LCTL: variants seen among roughly 807,000 people sequenced by gnomAD.
The protein encoded by LCTL is lactase like.
LCTL carries 76 observed loss-of-function variants against 75.8 expected under a neutral mutation model. The ratio of observed to expected loss-of-function variants is 1.00; its 90% CI spans 0.83 to 1.21. The LOEUF (loss-of-function observed/expected upper bound fraction) is 1.21. Ranked by LOEUF, LCTL falls within the 50% of genes most tolerant of loss-of-function variation. The pLI is 0.00. For synonymous variants in LCTL, 271 were observed against 268.8 expected (o/e 1.01, Z -0.08); for missense variants, 670 against 712.4 (o/e 0.94, Z 0.68).
intron 12 of LCTL, 132 bp downstream of exon 13, chr15:66,549,908 GA>G (rs1895533953): frequency 1.9e-6 from 1 of 523,188 alleles, no homozygotes; most frequent in Admixed American, 3.9e-5. Flanking sequence ...TTGCTTCAAA[GA>G]AACCTGATTT....
intron 4 of LCTL, among the ~76,000 whole-genome samples, chr15:66,562,044 T>G (rs2140851247): frequency 6.6e-6 from 1 of 152,056 alleles, no homozygotes; most frequent in Admixed American, 6.6e-5. Context: ...GAACACCCTT[T>G]CCTCCCACCT....
chr15:66,557,744 G>A, exon 8 of LCTL: 1 of 1,614,026 alleles, frequency 6.2e-7, no homozygotes, highest in Non-Finnish European at 8.5e-7. Flanking sequence ...TCATGACTTG[G>A]GGGTAGTCAC....
intron 4 of LCTL, among the ~76,000 whole-genome samples, chr15:66,562,744 T>G (rs939753150): frequency 2.6e-5 from 4 of 152,018 alleles, no homozygotes; most frequent in African/African-American, 9.7e-5. Context: ...CCACCACGTC[T>G]GGCTAAGTTT....
At chr15:66,557,937 C>T (rs138005784) in intron 7 of LCTL, 45 bp downstream of exon 8, 49 of 1,608,402 alleles carry the variant, frequency 3.0e-5, no homozygotes, top group South Asian at 5.5e-5. Flanking sequence ...ATTGCTGCTC[C>T]GGGCACTTGG....
At chr15:66,551,087 G>A (rs1331753068) in intron 11 of LCTL, among the ~76,000 whole-genome samples, 1 of 151,890 alleles carries the variant, frequency 6.6e-6, no homozygotes, top group Non-Finnish European at 1.5e-5. Context: ...GGTGGCTCAC[G>A]CCTGTAATCC....
chr15:66,556,152 T>A (rs1278237577), intron 8 of LCTL, among the ~76,000 whole-genome samples: 3 of 152,234 alleles, frequency 2.0e-5, no homozygotes, highest in African/African-American at 7.2e-5. Flanking sequence ...ATTCTACTTC[T>A]GGGTATATTC....
Position 66,565,235 on chromosome 15 carries a change from G to A in LCTL, c.118+13C>T, listed in dbSNP as rs748090299. On this transcript the variant is annotated intron_variant, in intron 1 of 12. Coordinates refer to ENST00000341509, the Ensembl canonical transcript of LCTL. ...ACAGACAGGCAGACAGACGAACAGA[G>A]GCGTGGCCGTACCAAGAGGGAAGGT... is the stretch of plus-strand genomic sequence containing the variant. The A allele has an allele frequency of 1.4e-5, 21 of 1,537,792 alleles. No homozygotes were observed. The highest frequency in any genetic ancestry group is 8.4e-5 in the Admixed American group (5 of 59,630).
At position 66,557,901 on chromosome 15, in the gene LCTL, A is replaced by G. The variant is rs765649567; in HGVS notation, c.761-18T>C. ...CACCAGACCTTAAAAGAAAAGAAAG[A>G]AAAGGGAGTGGGGAGTGGGCATGCC... On this transcript the variant is annotated intron_variant, in intron 7 of 12. Transcript: ENST00000341509. 2 of 1,612,990 alleles carry G rather than the reference A, an allele frequency of 1.2e-6. No individual in the cohort carries two copies. Among genetic ancestry groups the G allele is most frequent in the Admixed American group, 3.3e-5 (2 of 59,968 alleles).
intron 4 of LCTL, among the ~76,000 whole-genome samples, 170 bp downstream of exon 5, chr15:66,563,346 G>C (rs1268894662): frequency 1.3e-5 from 2 of 152,204 alleles, no homozygotes; most frequent in African/African-American, 2.4e-5. Flanking sequence ...AGCAAAAGTG[G>C]ATTAAGACAG....
intron 11 of LCTL, among the ~76,000 whole-genome samples, chr15:66,551,091 GT>G (rs1217338840): frequency 6.6e-6 from 1 of 151,984 alleles, no homozygotes; most frequent in Non-Finnish European, 1.5e-5. Context: ...GCTCACGCCT[GT>G]AATCCCAGCA....
chr15:66,550,545 A>G (rs1046422861), intron 11 of LCTL, among the ~76,000 whole-genome samples: 3 of 152,064 alleles, frequency 2.0e-5, no homozygotes, highest in Admixed American at 6.5e-5. Flanking sequence ...CAGTGGAGCA[A>G]TCATAGCTCA....
intron 4 of LCTL, among the ~76,000 whole-genome samples, chr15:66,561,638 G>C (rs534196054): frequency 6.6e-6 from 1 of 152,124 alleles, no homozygotes; most frequent in African/African-American, 2.4e-5. Context: ...TGCCTTCTTC[G>C]GCAGAGGGCT....
At chr15:66,554,940 A>G (rs1895705845) in intron 8 of LCTL, among the ~76,000 whole-genome samples, 1 of 152,200 alleles carries the variant, frequency 6.6e-6, no homozygotes, top group Non-Finnish European at 1.5e-5. Flanking sequence ...TTTACTTCAT[A>G]TTTTTTGTAC....
rs1161069978 is a variant in LCTL, at chr15:66,564,502, C to T, written c.282+174G>A. The stretch of plus-strand genomic sequence containing the variant: ...ATCCTGGCCCCTCCCAAACCTTCAC[C>T]CCCACTGGCCCTGCCCCCTCTGGCT... On this transcript the variant is annotated intron_variant, in intron 2 of 12. Coordinates refer to ENST00000341509, the Ensembl canonical transcript of LCTL. 3 of 696,418 alleles carry T rather than the reference C, an allele frequency of 4.3e-6. No individual in the cohort carries two copies. The South Asian group carries it at 6.0e-5, about 14-fold the overall frequency. The allele number at this position is 696,418 out of a possible 1,614,324, so 43.1% of individuals were successfully genotyped here. A position where few individuals can be genotyped will look rare whatever the true frequency, so the allele number is the denominator to read the frequency against.
At chr15:66,565,365 T>A (rs1896001675) in exon 1 of LCTL, 2 of 1,597,766 alleles carry the variant, frequency 1.3e-6, no homozygotes, top group South Asian at 1.1e-5. Context: ...ACTGGCTTCA[T>A]GGTGCCTGGC....
At chr15:66,551,902 A>G (rs367933222) in intron 10 of LCTL, 41 bp from the exon 12 acceptor site, 124 of 1,543,470 alleles carry the variant, frequency 8.0e-5, no homozygotes, top group Middle Eastern at 4.0e-4. Flanking sequence ...TATTTCATTT[A>G]CTTAGAAAAA....
At chr15:66,565,196 T>C (rs2140856679) in intron 1 of LCTL, 52 bp downstream of exon 2, 2 of 1,210,724 alleles carry the variant, frequency 1.7e-6, no homozygotes, top group East Asian at 4.7e-5. Flanking sequence ...TCAGCCAAAG[T>C]GGGCAGGTGG....
chr15:66,556,075 C>T (rs990128593), intron 8 of LCTL, among the ~76,000 whole-genome samples: 13 of 152,082 alleles, frequency 8.5e-5, no homozygotes, highest in African/African-American at 2.9e-4. Flanking sequence ...GGTACACCCA[C>T]TGTTGAAAAC....
upstream of LCTL, chr15:66,565,993 G>A (rs1444475462): frequency 2.0e-5 from 3 of 152,140 alleles, no homozygotes; most frequent in African/African-American, 7.2e-5. Flanking sequence ...TGGGGGTGTG[G>A]TCTGTGGCTA....
Sources: allele counts gnomAD v4.1 joint callset (sites outside exome capture counted in the v4.1 genomes callset), GRCh38; gene constraint gnomAD v4.1.1; transcripts MANE v1.5; gene names NCBI Gene and HGNC (gene_info 2026-07-23, HGNC 2026-07-21).